The following ATP10A variants were observed in gnomAD, a reference collection of about 807,000 sequenced individuals.
ATP10A encodes the protein ATPase phospholipid transporting 10A (putative), also known as phospholipid-transporting ATPase VA.
ATP10A carries 111 observed loss-of-function variants against 147.8 expected under a neutral mutation model. The ratio of observed to expected loss-of-function variants is 0.75; its 90% CI spans 0.64 to 0.88. The LOEUF (loss-of-function observed/expected upper bound fraction) is 0.88, where lower values mean the gene tolerates loss of function less well. Ranked by LOEUF, ATP10A falls within the 40% of genes least tolerant of loss-of-function variation. The pLI, the probability that ATP10A is intolerant of heterozygous loss-of-function variation, is 0.00. For synonymous variants in ATP10A, 875 were observed against 841.6 expected (o/e 1.04, Z -0.69); for missense variants, 1,927 against 1,959.0 (o/e 0.98, Z 0.31).
At chr15:25,863,769 G>A (rs1261868136), upstream of ATP10A, 1 of 152,204 alleles carries the variant, frequency 6.6e-6, no homozygotes, top group East Asian at 1.9e-4. Flanking sequence ...CAGGACCTCT[G>A]CTCCTGGGGA....
intron 1 of ATP10A, among the ~76,000 whole-genome samples, chr15:25,809,658 A>T (rs1283996089): frequency 6.6e-6 from 1 of 152,106 alleles, no homozygotes; most frequent in African/African-American, 2.4e-5. Flanking sequence ...TCATGGTTCC[A>T]TATATGTACT....
chr15:25,829,798 G>A (rs981647477), intron 1 of ATP10A, among the ~76,000 whole-genome samples: 3 of 152,160 alleles, frequency 2.0e-5, no homozygotes, highest in African/African-American at 7.2e-5. Context: ...GAGGCGGAGA[G>A]TGAGGGTACG....
At chr15:25,817,904 T>A (rs1207513986) in intron 1 of ATP10A, among the ~76,000 whole-genome samples, 2 of 152,200 alleles carry the variant, frequency 1.3e-5, no homozygotes, top group East Asian at 3.8e-4. Flanking sequence ...CAATGTACAT[T>A]CCTTTAAAGA....
intron 2 of ATP10A, among the ~76,000 whole-genome samples, chr15:25,755,065 A>T (rs79599596): frequency 0.012 from 1,770 of 152,316 alleles, 69 homozygotes; most frequent in East Asian, 0.1. Flanking sequence ...TTCATAGGCT[A>T]ACACTCTGTC....
intron 1 of ATP10A, among the ~76,000 whole-genome samples, chr15:25,814,053 C>A (rs1027625501): frequency 4.6e-5 from 7 of 151,930 alleles, no homozygotes; most frequent in African/African-American, 1.7e-4. Context: ...ACCCCAAGCA[C>A]AGGAAACAAG....
chr15:25,804,619 G>T (rs1479731453), intron 1 of ATP10A, among the ~76,000 whole-genome samples: 1 of 152,088 alleles, frequency 6.6e-6, no homozygotes, highest in Non-Finnish European at 1.5e-5. Flanking sequence ...CCAGGTCCAG[G>T]TCCAGGTCCA....
At chr15:25,676,611 T>TA (rs1400949772), downstream of ATP10A, among the ~76,000 whole-genome samples, 7 of 152,206 alleles carry the variant, frequency 4.6e-5, no homozygotes, top group African/African-American at 1.7e-4. Context: ...TCACGTATTT[T>TA]AAAGCTCTGG....
intron 2 of ATP10A, among the ~76,000 whole-genome samples, chr15:25,755,229 C>A (rs1016503219): frequency 1.4e-4 from 21 of 152,148 alleles, no homozygotes; most frequent in African/African-American, 4.6e-4. Context: ...TAGGAAAGAC[C>A]TTCGAAAGTT....
intron 1 of ATP10A, among the ~76,000 whole-genome samples, chr15:25,856,648 T>C (rs192089574): frequency 6.6e-6 from 1 of 152,298 alleles, no homozygotes; most frequent in Admixed American, 6.5e-5. Flanking sequence ...AACAAATCAA[T>C]GGATATAGGC....
intron 10 of ATP10A, among the ~76,000 whole-genome samples, chr15:25,711,293 C>A (rs1297034595): frequency 6.6e-6 from 1 of 152,096 alleles, no homozygotes; most frequent in African/African-American, 2.4e-5. Context: ...TCTGTGCCCT[C>A]CTCAGTTTGT....
chr15:25,757,245 T>G (rs1307443647), intron 2 of ATP10A, among the ~76,000 whole-genome samples: 1 of 152,166 alleles, frequency 6.6e-6, no homozygotes, highest in African/African-American at 2.4e-5. Context: ...AAACAATTGT[T>G]CTGTGAGGAA....
At chr15:25,862,463 A>C in intron 1 of ATP10A, 185 bp downstream of exon 1, 1 of 738,100 alleles carries the variant, frequency 1.4e-6, no homozygotes, top group Non-Finnish European at 2.2e-6. Context: ...CGGCGGAGGC[A>C]CAGAGAGGCC....
At chr15:25,820,221 A>G (rs1891823620) in intron 1 of ATP10A, among the ~76,000 whole-genome samples, 1 of 152,218 alleles carries the variant, frequency 6.6e-6, no homozygotes, top group South Asian at 2.1e-4. Context: ...TGCATCAGCA[A>G]TAACTAGCTC....
chr15:25,826,966 C>T (rs1892144085), intron 1 of ATP10A, among the ~76,000 whole-genome samples: 1 of 152,050 alleles, frequency 6.6e-6, no homozygotes, highest in South Asian at 2.1e-4. Context: ...GTCAAAAGCC[C>T]AAAACCCTAC....
rs147621457 is a variant in ATP10A at position 25,801,515 on chromosome 15, A to T, written c.450-20292T>A. 2.4e-3 allele frequency among the ~76,000 whole-genome samples: 362 copies of T among 152,308 alleles called. 1 individual carries two copies. Among genetic ancestry groups the T allele is most frequent in the African/African-American group, 8.5e-3 (353 of 41,576 alleles). ...TCCTGCGTCAGGCAGAGCACTGAGA[A>T]TGAGGGCGGACGAGAGTCCTGGGGG... is the stretch of plus-strand genomic sequence containing the variant. On this transcript the variant is annotated intron_variant, in intron 1 of 20. Coordinates refer to ENST00000555815, the MANE Select transcript of ATP10A (RefSeq NM_024490.4).
At chr15:25,847,538 G>A (rs1178935154) in intron 1 of ATP10A, among the ~76,000 whole-genome samples, 1 of 150,228 alleles carries the variant, frequency 6.7e-6, no homozygotes, top group African/African-American at 2.5e-5. Context: ...GCGGGTCACG[G>A]GGTCTTCATG....
intron 1 of ATP10A, among the ~76,000 whole-genome samples, chr15:25,795,427 A>C (rs1312548353): frequency 6.6e-6 from 1 of 152,112 alleles, no homozygotes; most frequent in Non-Finnish European, 1.5e-5. Context: ...TCTTCCCTAC[A>C]CTCTGCCCAA....
At chr15:25,674,211 A>C (rs1899094532), downstream of ATP10A, among the ~76,000 whole-genome samples, 1 of 152,214 alleles carries the variant, frequency 6.6e-6, no homozygotes. Context: ...TTGCTGGGTG[A>C]TGAGGCAGAG....
In ATP10A at chr15:25,721,688, C is replaced by T; in HGVS notation, c.1332G>A (p.Val444=). 1 of 1,614,124 alleles carries T rather than the reference C, an allele frequency of 6.2e-7. No homozygotes were observed. Among genetic ancestry groups the T allele is most frequent in the Non-Finnish European group, 8.5e-7 (1 of 1,180,026 alleles). Residue 444 remains valine, a synonymous_variant, in exon 7 of 21, where the codon GTG becomes GTA. Coordinates refer to ENST00000555815, the MANE Select transcript of ATP10A (RefSeq NM_024490.4). ...ENKMVFRRCT[V]SGVEYSHDAN... The stretch of plus-strand genomic sequence containing the variant: ...CATCATGAGAATATTCTACACCAGA[C>T]ACAGTGCATCTTCGGAAAACCATCT...
Sources: gnomAD v4.1 joint callset for allele counts (sites outside exome capture counted in the v4.1 genomes callset) on GRCh38, gnomAD v4.1.1 for gene constraint, MANE v1.5 for transcripts, NCBI Gene and HGNC (gene_info 2026-07-23, HGNC 2026-07-21) for gene names.